The following ZNF664 variants were observed in gnomAD, a reference collection of about 807,000 sequenced individuals.
ZNF664 encodes the protein zinc finger Organ of Corti 1.
Under a neutral mutation model 18.2 loss-of-function variants are expected in ZNF664, and 10 were observed. The ratio of observed to expected loss-of-function variants is 0.55; its 90% CI spans 0.34 to 0.93. The LOEUF is 0.93. Ranked by LOEUF, ZNF664 falls within the 40% of genes least tolerant of loss-of-function variation. ZNF664 has a pLI of 0.02. For synonymous variants in ZNF664, 119 were observed against 104.2 expected, an observed-to-expected ratio of 1.14 and a Z score of -0.86; for missense variants, 193 against 319.0, an observed-to-expected ratio of 0.61 and a Z score of 3.01.
chr12:124,014,019 C>T lies in ZNF664; in HGVS notation c.*1089C>T. ...TATATGCCAGGCACTGTGCTAGGTGCTGGGAATACCACTGATGAGACAGAC... is the reference window on the plus strand; with the variant it reads ...TATATGCCAGGCACTGTGCTAGGTGTTGGGAATACCACTGATGAGACAGAC... On this transcript the variant is annotated 3_prime_UTR_variant, in exon 5 of 5. Coordinates refer to ENST00000337815, the MANE Select transcript of ZNF664 (RefSeq NM_152437.3). 1 of 167,086 alleles carries T rather than the reference C, an allele frequency of 6.0e-6. No individual in the cohort carries two copies. Among genetic ancestry groups the T allele is most frequent in the East Asian group, 1.9e-4 (1 of 5,206 alleles). The allele number at this position is 167,086 out of a possible 1,614,324, so 10.4% of individuals were successfully genotyped here. A position where few individuals can be genotyped will look rare whatever the true frequency, so the allele number is the denominator to read the frequency against.
chr12:124,013,213 A>G lies in ZNF664; in HGVS notation c.*283A>G, dbSNP rs1957153304. The G allele has an allele frequency of 2.2e-6, 1 of 447,188 alleles. No individual in the cohort carries two copies. Among genetic ancestry groups the G allele is most frequent in the Non-Finnish European group, 4.1e-6 (1 of 245,082 alleles). 27.7% of individuals were successfully genotyped at this position (447,188 alleles called of 1,614,324 possible). On this transcript the variant is annotated 3_prime_UTR_variant, in exon 5 of 5. Transcript: ENST00000337815. ...ACGATGCCTCCATAGTTGAAAGACTACACAAAAAGCCACAATCATTGCCCG... is the reference window on the plus strand; with the variant it reads ...ACGATGCCTCCATAGTTGAAAGACTGCACAAAAAGCCACAATCATTGCCCG...
At position 123,976,328 on chromosome 12, in the gene ZNF664, G is replaced by T. The variant is rs1206788790; in HGVS notation, c.-757+2308G>T. Among the ~76,000 whole-genome samples the T allele has an allele frequency of 2.7e-4, 41 of 152,220 alleles. 1 individual carries two copies. Among genetic ancestry groups the T allele is most frequent in the Admixed American group, 2.5e-3 (38 of 15,282 alleles). ...AAGCTGAGATTTGAAGAGTGCGTAG[G>T]TGTTAGTGTGGAGGAAAGTGGGGGA... On this transcript the variant is annotated intron_variant, in intron 2 of 4. Coordinates refer to ENST00000337815, the MANE Select transcript of ZNF664 (RefSeq NM_152437.3).
At chr12:123,987,206 T>G (rs1956835582) in intron 2 of ZNF664, among the ~76,000 whole-genome samples, 1 of 152,158 alleles carries the variant, frequency 6.6e-6, no homozygotes, top group Admixed American at 6.5e-5. Context: ...GTCCCCAGAT[T>G]GACAACAGCT....
intron 2 of ZNF664, among the ~76,000 whole-genome samples, chr12:123,981,099 G>T (rs1453927575): frequency 6.6e-6 from 1 of 152,188 alleles, no homozygotes; most frequent in Non-Finnish European, 1.5e-5. Context: ...GGCTTTTGTA[G>T]AATTCCAGGG....
intron 3 of ZNF664, among the ~76,000 whole-genome samples, chr12:123,993,925 T>C (rs1282823704): frequency 6.6e-6 from 1 of 152,202 alleles, no homozygotes; most frequent in Non-Finnish European, 1.5e-5. Flanking sequence ...GCGAGGACAG[T>C]GTCAGATAGA....
intron 1 of ZNF664, 49 bp downstream of exon 1, chr12:123,973,401 A>AGGCGGGG (rs1956620287): frequency 2.8e-6 from 1 of 352,078 alleles, no homozygotes; most frequent in Non-Finnish European, 3.3e-6. Flanking sequence ...TCCCGGAGGG[A>AGGCGGGG]GGCGGGGGCC....
At chr12:124,007,709 AC>A (rs1957089214) in intron 3 of ZNF664, among the ~76,000 whole-genome samples, 1 of 152,002 alleles carries the variant, frequency 6.6e-6, no homozygotes, top group African/African-American at 2.4e-5. Flanking sequence ...TTTTTTTTTA[AC>A]CATGAAAATT....
At chr12:123,994,163 C>A (rs1490226004) in intron 3 of ZNF664, among the ~76,000 whole-genome samples, 5 of 144,122 alleles carry the variant, frequency 3.5e-5, no homozygotes, top group Non-Finnish European at 1.5e-5. Flanking sequence ...GGAAATTACT[C>A]ACTACACATA....
At chr12:123,995,376 C>A (rs947873367) in intron 3 of ZNF664, among the ~76,000 whole-genome samples, 1 of 152,222 alleles carries the variant, frequency 6.6e-6, no homozygotes, top group Non-Finnish European at 1.5e-5. Context: ...TGCTAAAATG[C>A]AATTCTGATT....
intron 3 of ZNF664, among the ~76,000 whole-genome samples, chr12:123,989,984 T>C (rs907546356): frequency 1.3e-5 from 2 of 152,226 alleles, no homozygotes; most frequent in Non-Finnish European, 2.9e-5. Context: ...CTCAAAAATC[T>C]CTCTCCCTTG....
chr12:123,979,531 TC>T (rs1487153907), intron 2 of ZNF664, among the ~76,000 whole-genome samples: 2 of 152,194 alleles, frequency 1.3e-5, no homozygotes, highest in Admixed American at 1.3e-4. Flanking sequence ...CTTCAAGGAA[TC>T]TGTGCTATTT....
intron 3 of ZNF664, among the ~76,000 whole-genome samples, chr12:123,999,021 G>A (rs902042560): frequency 2.0e-5 from 3 of 152,154 alleles, no homozygotes; most frequent in African/African-American, 7.2e-5. Flanking sequence ...CATTAATTAA[G>A]GGACCAAGAA....
chr12:123,973,388 C>T, intron 1 of ZNF664, 36 bp downstream of exon 1: 3 of 969,234 alleles, frequency 3.1e-6, no homozygotes, highest in Non-Finnish European at 3.7e-6. Context: ...GTCTTTCTTT[C>T]TTTCCCGGAG....
chr12:123,996,456 T>G (rs1217536696), intron 3 of ZNF664, among the ~76,000 whole-genome samples: 1 of 152,070 alleles, frequency 6.6e-6, no homozygotes, highest in African/African-American at 2.4e-5. Flanking sequence ...AATTCAAGAT[T>G]TTGGAGATAG....
Position 124,014,747 on chromosome 12 carries a change from G to C in ZNF664, c.*1817G>C, listed in dbSNP as rs1157847329. The C allele has an allele frequency of 6.0e-6, 1 of 166,824 alleles. No individual in the cohort carries two copies. Among genetic ancestry groups the C allele is most frequent in the Non-Finnish European group, 1.5e-5 (1 of 68,116 alleles). 10.3% of individuals were successfully genotyped at this position (166,824 alleles called of 1,614,324 possible). A position where few individuals can be genotyped will look rare whatever the true frequency, so the allele number is the denominator to read the frequency against. ...ATTAATTTTTTCTGTTTGACTGGAA[G>C]GGGTTTTTGTATAACTAAAACCTCA... On this transcript the variant is annotated 3_prime_UTR_variant, in exon 5 of 5. Coordinates refer to ENST00000337815, the MANE Select transcript of ZNF664 (RefSeq NM_152437.3).
At chr12:123,990,438 C>T (rs1956876122) in intron 3 of ZNF664, among the ~76,000 whole-genome samples, 1 of 152,028 alleles carries the variant, frequency 6.6e-6, no homozygotes, top group African/African-American at 2.4e-5. Flanking sequence ...CTCCAGGGCC[C>T]AACCTGTCTT....
chr12:123,986,033 G>T (rs142852702), intron 2 of ZNF664, among the ~76,000 whole-genome samples: 10 of 151,862 alleles, frequency 6.6e-5, no homozygotes, highest in African/African-American at 1.9e-4. Context: ...TGAGCCTTAG[G>T]GACTGTGCCT....
At chr12:123,975,156 G>T (rs559677302) in intron 2 of ZNF664, among the ~76,000 whole-genome samples, 1 of 152,072 alleles carries the variant, frequency 6.6e-6, no homozygotes, top group Non-Finnish European at 1.5e-5. Flanking sequence ...GATACAGTGC[G>T]TATGTGTTGT....
chr12:123,981,604 C>T (rs1026281354), intron 2 of ZNF664, among the ~76,000 whole-genome samples: 12 of 152,116 alleles, frequency 7.9e-5, no homozygotes, highest in African/African-American at 2.4e-4. Context: ...TAAATTTCTT[C>T]ATAAATTATC....
Sources: allele counts gnomAD v4.1 joint callset (sites outside exome capture counted in the v4.1 genomes callset), GRCh38; gene constraint gnomAD v4.1.1; transcripts MANE v1.5; gene names NCBI Gene and HGNC (gene_info 2026-07-23, HGNC 2026-07-21).